Variants in RALGAPB observed in about 807,000 individuals in gnomAD.
RALGAPB encodes Ral GTPase activating protein non-catalytic subunit beta.
In RALGAPB, 25 loss-of-function variants were observed where a neutral mutation model predicts 161.1. The observed-to-expected ratio is 0.16, with a 90% CI of 0.11 to 0.22. The LOEUF (loss-of-function observed/expected upper bound fraction) is 0.22. Ranked by LOEUF, RALGAPB falls within the 10% of genes least tolerant of loss-of-function variation. The pLI, the probability that RALGAPB is intolerant of heterozygous loss-of-function variation, is 1.00. For synonymous variants in RALGAPB, 629 were observed against 626.1 expected, an observed-to-expected ratio of 1.00 and a Z score of -0.07; for missense variants, 1,391 against 1,815.2, an observed-to-expected ratio of 0.77 and a Z score of 4.25.
At position 38,509,790 on chromosome 20, in the gene RALGAPB, T is replaced by G. The variant is rs570763790; in HGVS notation, c.872+582T>G. On this transcript the variant is annotated intron_variant, in intron 6 of 29. Transcript: ENST00000262879. Reference sequence around the variant, plus strand: ...ATTTATTCTGTTGTAAACTGATTCTTAAATTTTTTCCTTGCATATCTTCTC... The same window carrying G: ...ATTTATTCTGTTGTAAACTGATTCTGAAATTTTTTCCTTGCATATCTTCTC... Among the ~76,000 whole-genome samples the G allele has an allele frequency of 2.0e-5, 3 of 152,374 alleles. No homozygotes were observed. In the East Asian group the frequency reaches 5.8e-4, roughly 29 times the overall value.
At chr20:38,518,114 G>T (rs774083702) in intron 9 of RALGAPB, 114 bp downstream of exon 9, 16 of 1,024,970 alleles carry the variant, frequency 1.6e-5, no homozygotes, top group Non-Finnish European at 2.0e-5. Flanking sequence ...CTCTGTTTCT[G>T]ACCAAGCAAT....
Position 38,541,207 on chromosome 20 carries a change from G to T in RALGAPB, c.2714+15G>T. ...ACCCTAACATGGTATGGAAGTGACC[G>T]CACAGGGATTGTGCCTAGGAATTAG... is the stretch of plus-strand genomic sequence containing the variant. On this transcript the variant is annotated intron_variant, in intron 18 of 29. Coordinates refer to ENST00000262879, the MANE Select transcript of RALGAPB (RefSeq NM_020336.4). The T allele has an allele frequency of 6.2e-7, 1 of 1,611,614 alleles. No homozygotes were observed. The highest frequency in any genetic ancestry group is 8.5e-7 in the Non-Finnish European group (1 of 1,178,468).
intron 16 of RALGAPB, among the ~76,000 whole-genome samples, chr20:38,537,505 CAAG>C (rs1362419327): frequency 1.3e-5 from 2 of 151,990 alleles, no homozygotes; most frequent in Non-Finnish European, 2.9e-5. Flanking sequence ...TAGAAGAAAA[CAAG>C]AGAAAATCTT....
intron 5 of RALGAPB, among the ~76,000 whole-genome samples, chr20:38,502,986 C>T (rs1405321873): frequency 1.3e-5 from 2 of 152,118 alleles, no homozygotes; most frequent in African/African-American, 2.4e-5. Flanking sequence ...ACCTCCTGGG[C>T]GCAAGCTGTT....
At chr20:38,550,410 C>T (rs937014557) in intron 20 of RALGAPB, among the ~76,000 whole-genome samples, 5 of 152,206 alleles carry the variant, frequency 3.3e-5, no homozygotes, top group Non-Finnish European at 7.3e-5. Context: ...TTAGATGTCT[C>T]TGTTAGATGT....
intron 28 of RALGAPB, 101 bp downstream of exon 28, chr20:38,570,948 C>A: frequency 1.3e-6 from 1 of 753,532 alleles, no homozygotes; most frequent in Non-Finnish European, 2.1e-6. Context: ...TTGTAGACAA[C>A]TAGAAATAAA....
chr20:38,482,718 C>T (rs766661982), intron 1 of RALGAPB, among the ~76,000 whole-genome samples: 8 of 152,058 alleles, frequency 5.3e-5, no homozygotes, highest in South Asian at 2.1e-4. Flanking sequence ...CGTGAGCCAC[C>T]GCGTCTGGTG....
intron 9 of RALGAPB, among the ~76,000 whole-genome samples, chr20:38,518,479 A>C (rs1352820460): frequency 3.9e-5 from 6 of 152,330 alleles, no homozygotes; most frequent in Non-Finnish European, 7.3e-5. Flanking sequence ...CTTTATTTCA[A>C]GGGCACACTT....
intron 2 of RALGAPB, among the ~76,000 whole-genome samples, chr20:38,489,962 T>C (rs757718027): frequency 7.2e-5 from 11 of 152,098 alleles, no homozygotes; most frequent in Non-Finnish European, 1.5e-4. Flanking sequence ...TTTTTCTCCT[T>C]TCTCACCATT....
chr20:38,563,083 A>G (rs1255179995), intron 24 of RALGAPB, among the ~76,000 whole-genome samples: 3 of 152,210 alleles, frequency 2.0e-5, no homozygotes, highest in Non-Finnish European at 4.4e-5. Flanking sequence ...AAACAGAGGT[A>G]TATAGAGGAA....
intron 5 of RALGAPB, 59 bp downstream of exon 5, chr20:38,499,692 G>T: frequency 6.7e-7 from 1 of 1,482,316 alleles, no homozygotes; most frequent in Admixed American, 2.2e-5. Context: ...CAGCTTTCTG[G>T]CATTCATGGA....
At chr20:38,559,562 C>G (rs2145479336) in intron 23 of RALGAPB, among the ~76,000 whole-genome samples, 1 of 152,284 alleles carries the variant, frequency 6.6e-6, no homozygotes, top group South Asian at 2.1e-4. Context: ...AGCGTGGTGG[C>G]AGGCACCTGT....
intron 1 of RALGAPB, among the ~76,000 whole-genome samples, chr20:38,486,124 C>G (rs887565902): frequency 6.6e-6 from 1 of 152,000 alleles, no homozygotes; most frequent in Non-Finnish European, 1.5e-5. Flanking sequence ...TGTGTGACAC[C>G]ATGCCCAGCT....
chr20:38,572,045 A>G (rs930769387), intron 28 of RALGAPB, among the ~76,000 whole-genome samples: 6 of 152,314 alleles, frequency 3.9e-5, no homozygotes, highest in East Asian at 1.9e-4. Context: ...ATGGAGAAGT[A>G]GAGGCAATTA....
chr20:38,505,136 T>C (rs903621389), intron 5 of RALGAPB, among the ~76,000 whole-genome samples: 2 of 152,188 alleles, frequency 1.3e-5, no homozygotes, highest in African/African-American at 2.4e-5. Context: ...CTTTTATATA[T>C]TGCAGCACGA....
chr20:38,488,538 GC>G lies in RALGAPB; in HGVS notation c.107del (p.Ala36ValfsTer2). On this transcript the variant is annotated frameshift_variant, in exon 2 of 30. Transcript: ENST00000262879. LOFTEE classifies it high-confidence loss of function. ...PESVGREVANAVVRPLGQVLG... is the reference protein window; with the variant it reads ...PESVGREVANXVVRPLGQVLG... ...GAGCGTTGGACGAGAGGTGGCAAAT[GC>G]TGTAGTCCGTCCTCTTGGGCAGGTG... 6.2e-7 allele frequency: 1 copy of G among 1,614,206 alleles called. No homozygotes were observed. Among genetic ancestry groups the G allele is most frequent in the Non-Finnish European group, 8.5e-7 (1 of 1,180,036 alleles).
intron 1 of RALGAPB, among the ~76,000 whole-genome samples, chr20:38,478,831 G>C (rs1312224918): frequency 6.6e-6 from 1 of 152,024 alleles, no homozygotes; most frequent in Non-Finnish European, 1.5e-5. Context: ...GGTCAGGCTG[G>C]TCTCGAACTC....
In RALGAPB at chr20:38,525,514, C is replaced by A. The variant is rs1568941621; in HGVS notation, c.1898C>A (p.Ser633Tyr). The A allele has an allele frequency of 6.3e-7, 1 of 1,590,206 alleles. No homozygotes were observed. The highest frequency in any genetic ancestry group is 8.6e-7 in the Non-Finnish European group (1 of 1,160,758). Residue 633 changes from serine to tyrosine, a missense_variant, in exon 12 of 30, where the codon TCT becomes TAT. Around this residue, in one of 3 missense-constraint regions of RALGAPB, gnomAD observed 946 missense variants for 1,257.2 expected, o/e 0.75. Transcript: ENST00000262879. ...PLPHHFGTVKSEVVLEGKFSN... is the reference protein window; with the variant it reads ...PLPHHFGTVKYEVVLEGKFSN... ...CCTCATCATTTTGGCACAGTCAAAT[C>A]TGAGGTAATGTTTTGTTAAAGTTTT...
chr20:38,498,179 G>A (rs1264199950), intron 4 of RALGAPB, among the ~76,000 whole-genome samples: 1 of 151,908 alleles, frequency 6.6e-6, no homozygotes, highest in East Asian at 1.9e-4. Flanking sequence ...GTAGTGACAA[G>A]ATATTTTACT....
Sources: allele counts gnomAD v4.1 joint callset (sites outside exome capture counted in the v4.1 genomes callset), GRCh38; gene constraint gnomAD v4.1.1; regional missense constraint gnomAD v4.1.1; transcripts MANE v1.5; gene names NCBI Gene and HGNC (gene_info 2026-07-23, HGNC 2026-07-21).